Variants in PCDHA4 observed in about 807,000 individuals in gnomAD.
PCDHA4 encodes the protein protocadherin alpha-4.
A neutral mutation model predicts 61.4 loss-of-function variants in PCDHA4; 49 were observed. That is an observed-to-expected ratio of 0.80 (90% CI 0.63 to 1.01). PCDHA4 has a LOEUF of 1.01. PCDHA4 is among the 50% of genes least tolerant of loss of function. The pLI, the probability that PCDHA4 is intolerant of heterozygous loss-of-function variation, is 0.00. For missense variants in PCDHA4, 1,254 were observed against 1,235.8 expected (o/e 1.01, Z -0.22); for synonymous variants, 590 against 550.3 (o/e 1.07, Z -1.01).
chr5:140,969,587 T>G, intron 1 of PCDHA4: 1 of 850,882 alleles, frequency 1.2e-6, no homozygotes, highest in Non-Finnish European at 1.8e-6. Context: ...AGGATTAGTC[T>G]TAATATTTAA....
chr5:140,980,216 G>A (rs1554241518), intron 2 of PCDHA4, among the ~76,000 whole-genome samples: 1 of 152,190 alleles, frequency 6.6e-6, no homozygotes, highest in African/African-American at 2.4e-5. Flanking sequence ...GCTTTTGCCT[G>A]CATCTGAGCT....
intron 1 of PCDHA4, among the ~76,000 whole-genome samples, chr5:140,894,258 G>T (rs2153446538): frequency 6.6e-6 from 1 of 151,918 alleles, no homozygotes; most frequent in South Asian, 2.1e-4. Flanking sequence ...TTCTTTACAA[G>T]TGGTAGCTTA....
chr5:140,926,944 G>A, intron 1 of PCDHA4: 1 of 1,588,324 alleles, frequency 6.3e-7, no homozygotes, highest in Non-Finnish European at 8.6e-7. Flanking sequence ...CTGCGGCGCT[G>A]CAGCGGGACA....
intron 1 of PCDHA4, chr5:140,871,311 C>A (rs782501180): frequency 6.2e-7 from 1 of 1,613,922 alleles, no homozygotes; most frequent in African/African-American, 1.3e-5. Flanking sequence ...CGGGGAAGCC[C>A]ACGCTGGTGT....
intron 1 of PCDHA4, among the ~76,000 whole-genome samples, chr5:140,873,949 C>G (rs1161044001): frequency 1.3e-5 from 2 of 152,218 alleles, no homozygotes; most frequent in Non-Finnish European, 1.5e-5. Flanking sequence ...GTGTAAGTCA[C>G]TGAGCCCAGC....
chr5:140,815,952 G>A (rs1046719441), intron 1 of PCDHA4: 1 of 152,178 alleles, frequency 6.6e-6, no homozygotes, highest in Non-Finnish European at 1.5e-5. Context: ...TACTGGTAGA[G>A]TTAGGGGTGT....
intron 1 of PCDHA4, among the ~76,000 whole-genome samples, chr5:140,873,350 A>G (rs251374): frequency 0.7 from 106,869 of 152,104 alleles, 38,096 homozygotes; most frequent in African/African-American, 0.82. Context: ...TCCAGATGAA[A>G]TTTTTGGAAT....
In PCDHA4 at chr5:140,845,055, G is replaced by T. The variant is rs2150376092; in HGVS notation, c.2385+35483G>T. 3.3e-5 allele frequency among the ~76,000 whole-genome samples: 5 copies of T among 149,320 alleles called. 1 individual carries two copies. The highest frequency in any genetic ancestry group is 6.0e-5 in the Non-Finnish European group (4 of 66,724). ...TTTTAGCCCCCTTGTCCAACTGAAG[G>T]TAACCTCAAAGCAGCATTGTTTTGT... On this transcript the variant is annotated intron_variant, in intron 1 of 3. Transcript: ENST00000530339.
chr5:140,887,286 T>TG (rs1171397329), intron 1 of PCDHA4, among the ~76,000 whole-genome samples: 1 of 151,952 alleles, frequency 6.6e-6, no homozygotes, highest in Non-Finnish European at 1.5e-5. Context: ...TTAGTAGAGA[T>TG]GGGGTTTCAT....
At chr5:140,836,381 G>A in intron 1 of PCDHA4, 2 of 1,613,746 alleles carry the variant, frequency 1.2e-6, no homozygotes, top group Non-Finnish European at 1.7e-6. Context: ...CCACCGTGCT[G>A]GTGTCGCTGG....
intron 1 of PCDHA4, chr5:140,865,770 T>C (rs1554159611): frequency 6.6e-6 from 1 of 152,200 alleles, no homozygotes; most frequent in Non-Finnish European, 1.5e-5. Context: ...GGAGATATTA[T>C]TCAAATGTGT....
In PCDHA4 at chr5:140,857,896, T is replaced by A; in HGVS notation, c.2385+48324T>A. 4 of 1,597,704 alleles carry A rather than the reference T, an allele frequency of 2.5e-6. 1 individual carries two copies. The highest frequency in any genetic ancestry group is 3.4e-6 in the Non-Finnish European group (4 of 1,167,490). On this transcript the variant is annotated intron_variant, in intron 1 of 3. Coordinates refer to ENST00000530339, the MANE Select transcript of PCDHA4 (RefSeq NM_018907.4). ...ATGAATTGCAGTCGGCGGCGGTTGGTGCACGCATCCCGTTTCGCGTGGGGC... is the reference window on the plus strand; with the variant it reads ...ATGAATTGCAGTCGGCGGCGGTTGGAGCACGCATCCCGTTTCGCGTGGGGC...
At chr5:140,995,548 C>T (rs1554254718) in intron 3 of PCDHA4, among the ~76,000 whole-genome samples, 2 of 152,200 alleles carry the variant, frequency 1.3e-5, no homozygotes, top group Non-Finnish European at 2.9e-5. Context: ...GGGGCGATCA[C>T]TGTACTGAAT....
At chr5:140,895,092 G>A (rs2064837860) in intron 1 of PCDHA4, among the ~76,000 whole-genome samples, 1 of 152,090 alleles carries the variant, frequency 6.6e-6, no homozygotes, top group Admixed American at 6.5e-5. Flanking sequence ...CCTCAGTATA[G>A]GGGTTTTTGC....
chr5:140,879,366 C>A (rs1363345702), intron 1 of PCDHA4, among the ~76,000 whole-genome samples: 1 of 152,156 alleles, frequency 6.6e-6, no homozygotes, highest in East Asian at 1.9e-4. Flanking sequence ...CATTAACCAA[C>A]CTGCAGAACA....
intron 1 of PCDHA4, among the ~76,000 whole-genome samples, chr5:140,938,453 G>A (rs558258483): frequency 6.6e-6 from 1 of 151,990 alleles, no homozygotes; most frequent in African/African-American, 2.4e-5. Context: ...AGTTCCCTTT[G>A]TTTTTTAATT....
chr5:140,931,304 G>A (rs1218460625), intron 1 of PCDHA4, among the ~76,000 whole-genome samples: 13 of 152,056 alleles, frequency 8.5e-5, no homozygotes, highest in Non-Finnish European at 1.9e-4. Context: ...CAAAAAGAGA[G>A]GAGAATACCA....
intron 1 of PCDHA4, among the ~76,000 whole-genome samples, chr5:140,908,084 T>G (rs2073791096): frequency 6.6e-6 from 1 of 152,202 alleles, no homozygotes; most frequent in Non-Finnish European, 1.5e-5. Context: ...CACAACCAGG[T>G]GCACTGATTG....
rs373829294 is a variant in PCDHA4 at position 140,808,261 on chromosome 5, A to T, written c.1074A>T (p.Pro358=). The T allele has an allele frequency of 8.7e-6, 14 of 1,614,106 alleles. No homozygotes were observed. The highest frequency in any genetic ancestry group is 1.2e-5 in the Non-Finnish European group (14 of 1,180,050). The change falls in exon 1 of 4, where the codon CCA becomes CCT. Residue 358 remains proline (P), a synonymous_variant. Coordinates refer to ENST00000530339, the MANE Select transcript of PCDHA4 (RefSeq NM_018907.4). The part of the protein sequence containing the change: ...PDLEFKSLSL[P]IREDAPLGTV... ...TGGAATTCAAGTCTTTATCACTTCC[A>T]ATTAGAGAGGACGCTCCACTGGGTA...
Sources: gnomAD v4.1 joint callset for allele counts (sites outside exome capture counted in the v4.1 genomes callset) on GRCh38, gnomAD v4.1.1 for gene constraint, MANE v1.5 for transcripts, NCBI Gene and HGNC (gene_info 2026-07-23, HGNC 2026-07-21) for gene names.